The following ITGAV variants were observed in gnomAD, a reference collection of about 807,000 sequenced individuals.
The protein encoded by ITGAV is integrin alpha-V.
A neutral mutation model predicts 143.8 loss-of-function variants in ITGAV; 76 were observed. The ratio of observed to expected loss-of-function variants is 0.53; its 90% CI spans 0.44 to 0.64. The LOEUF (loss-of-function observed/expected upper bound fraction) is 0.64. ITGAV is among the 30% of genes least tolerant of loss of function. ITGAV has a pLI of 0.00. For synonymous variants in ITGAV, 453 were observed against 446.7 expected (o/e 1.01, Z -0.18); for missense variants, 1,193 against 1,274.7 (o/e 0.94, Z 0.98).
Position 186,675,609 on chromosome 2 carries a change from T to A in ITGAV, c.2712T>A (p.Cys904Ter). Residue 904 changes from cysteine (C) to a stop codon, truncating the protein, a stop_gained, in exon 27 of 30, where the codon TGT becomes TGA. Coordinates refer to ENST00000261023, the MANE Select transcript of ITGAV (RefSeq NM_002210.5). LOFTEE classifies it high-confidence loss of function. ...TAAAGGATTTGTTTTGGCAGGGTTGTGGAGTTGCTCAGTGCTTGAAGATTG... is the reference window on the plus strand; with the variant it reads ...TAAAGGATTTGTTTTGGCAGGGTTGAGGAGTTGCTCAGTGCTTGAAGATTG... ...LSEGDIHTLG[C>*]GVAQCLKIVC... 1.9e-6 allele frequency: 3 copies of A among 1,612,216 alleles called. No individual in the cohort carries two copies. Among genetic ancestry groups the A allele is most frequent in the Non-Finnish European group, 2.5e-6 (3 of 1,178,234 alleles).
At chr2:186,598,574 A>G (rs993790413) in intron 1 of ITGAV, among the ~76,000 whole-genome samples, 17 of 151,316 alleles carry the variant, frequency 1.1e-4, no homozygotes, top group Middle Eastern at 3.4e-3. Context: ...AGTAGCTGGG[A>G]TTACAGGCTC....
intron 10 of ITGAV, among the ~76,000 whole-genome samples, chr2:186,640,529 TTGTC>T (rs1251678582): frequency 6.6e-5 from 10 of 152,358 alleles, no homozygotes; most frequent in African/African-American, 2.2e-4. Flanking sequence ...ATCACAACAT[TTGTC>T]TGTGACTATA....
intron 2 of ITGAV, among the ~76,000 whole-genome samples, chr2:186,609,398 A>C (rs1687154400): frequency 6.6e-6 from 1 of 152,152 alleles, no homozygotes; most frequent in Non-Finnish European, 1.5e-5. Flanking sequence ...AGGTATCATA[A>C]CACAACTTTC....
chr2:186,652,142 G>A lies in ITGAV; in HGVS notation c.1505+53G>A, dbSNP rs1688452286. 4.5e-6 allele frequency: 5 copies of A among 1,122,126 alleles called. No homozygotes were observed. The East Asian group carries it at 1.2e-4, about 27-fold the overall frequency. The allele number at this position is 1,122,126 out of a possible 1,614,324, so 69.5% of individuals were successfully genotyped here. A position where few individuals can be genotyped will look rare whatever the true frequency, so the allele number is the denominator to read the frequency against. On this transcript the variant is annotated intron_variant, in intron 15 of 29. Coordinates refer to ENST00000261023, the MANE Select transcript of ITGAV (RefSeq NM_002210.5). ...TTATTGTGATTATTGTTCAGGCATT[G>A]TAAGAACAATTGAAAATGAAGGTGG...
rs377555897 is a variant in ITGAV at position 186,639,135 on chromosome 2, A to T, written c.903+670A>T. ...AAATAAGATATTTCTCAGCTAAAAA[A>T]ATGCTAGTACTTTTTAAGTATTAGA... On this transcript the variant is annotated intron_variant, in intron 10 of 29. Coordinates refer to ENST00000261023, the MANE Select transcript of ITGAV (RefSeq NM_002210.5). 3.0e-3 allele frequency among the ~76,000 whole-genome samples: 450 copies of T among 152,328 alleles called. 2 individuals are homozygous for T. The highest frequency in any genetic ancestry group is 0.01 in the African/African-American group (433 of 41,584).
intron 1 of ITGAV, among the ~76,000 whole-genome samples, chr2:186,592,618 A>G (rs1418820005): frequency 1.3e-5 from 2 of 151,666 alleles, no homozygotes; most frequent in Non-Finnish European, 2.9e-5. Context: ...TGAACTCTTC[A>G]TGATATTTGC....
At chr2:186,656,785 G>C (rs1688601831) in intron 17 of ITGAV, among the ~76,000 whole-genome samples, 1 of 152,162 alleles carries the variant, frequency 6.6e-6, no homozygotes, top group Non-Finnish European at 1.5e-5. Context: ...GCTGGCAAAG[G>C]ATGAAGCCTA....
intron 17 of ITGAV, among the ~76,000 whole-genome samples, chr2:186,657,065 ACCAGCTACAGAG>A (rs1688612058): frequency 6.6e-6 from 1 of 151,824 alleles, no homozygotes; most frequent in Admixed American, 6.6e-5. Flanking sequence ...ACCCACAAAG[ACCAGCTACAGAG>A]CACAAATTTG....
chr2:186,657,572 A>G (rs1431362384), intron 17 of ITGAV, among the ~76,000 whole-genome samples: 1 of 152,230 alleles, frequency 6.6e-6, no homozygotes, highest in Admixed American at 6.5e-5. Flanking sequence ...AGGCTATCAC[A>G]ACAGTAGAAT....
chr2:186,630,044 T>C (rs560009430), intron 4 of ITGAV, among the ~76,000 whole-genome samples: 1 of 152,224 alleles, frequency 6.6e-6, no homozygotes, highest in South Asian at 2.1e-4. Context: ...AAAGTATCAT[T>C]TAAAGATGGT....
intron 1 of ITGAV, among the ~76,000 whole-genome samples, chr2:186,590,954 T>A (rs1200995067): frequency 1.3e-5 from 2 of 151,794 alleles, no homozygotes; most frequent in Non-Finnish European, 2.9e-5. Flanking sequence ...TTAACGCCCG[T>A]CCTTTTCAGT....
In ITGAV at chr2:186,675,661, G is replaced by A. The variant is rs199560379; in HGVS notation, c.2764G>A (p.Gly922Arg). 6 of 1,614,082 alleles carry A rather than the reference G, an allele frequency of 3.7e-6. No individual in the cohort carries two copies. The highest frequency in any genetic ancestry group is 5.1e-6 in the Non-Finnish European group (6 of 1,179,962). Residue 922 changes from glycine (G) to arginine (R), a missense_variant, in exon 27 of 30, where the codon GGA becomes AGA. Physicochemically the swap from Gly to Arg is moderately radical, Grantham distance 125. Transcript: ENST00000261023. ...IVCQVGRLDR[G>R]KSAILYVKSL... Reference sequence around the variant, plus strand: ...CTGCCAAGTTGGGAGATTAGACAGAGGAAAGAGTGCAATCTTGTACGTAAA... The same window carrying A: ...CTGCCAAGTTGGGAGATTAGACAGAAGAAAGAGTGCAATCTTGTACGTAAA...
At chr2:186,599,422 A>C (rs374605757) in intron 1 of ITGAV, among the ~76,000 whole-genome samples, 1 of 152,212 alleles carries the variant, frequency 6.6e-6, no homozygotes, top group Non-Finnish European at 1.5e-5. Flanking sequence ...CTACAACTGG[A>C]TGACTCACAG....
chr2:186,612,017 G>A (rs1687230701), intron 2 of ITGAV, among the ~76,000 whole-genome samples: 1 of 152,190 alleles, frequency 6.6e-6, no homozygotes. Context: ...TTATACCGGT[G>A]AAGAAAGGAT....
At chr2:186,632,544 A>T (rs927489377) in intron 5 of ITGAV, among the ~76,000 whole-genome samples, 9 of 152,168 alleles carry the variant, frequency 5.9e-5, no homozygotes, top group African/African-American at 2.2e-4. Flanking sequence ...ATTGTGCTGA[A>T]ACACAATATA....
In ITGAV at chr2:186,664,551, T is replaced by C. The variant is rs199519178; in HGVS notation, c.1983T>C (p.Ala661=). The stretch of plus-strand genomic sequence containing the variant: ...ACCCTCTGACATTGATTGTTAAGGC[T>C]CAGAATCAAGGAGAAGGTGCCTACG... The part of the protein sequence containing the change: ...DDNPLTLIVK[A]QNQGEGAYEA... Residue 661 remains alanine (A), a synonymous_variant, in exon 20 of 30, where the codon GCT becomes GCC. Coordinates refer to ENST00000261023, the MANE Select transcript of ITGAV (RefSeq NM_002210.5). The C allele has an allele frequency of 6.2e-7, 1 of 1,614,044 alleles. No homozygotes were observed. The highest frequency in any genetic ancestry group is 8.5e-7 in the Non-Finnish European group (1 of 1,179,932).
At chr2:186,606,024 T>A (rs1031604621) in intron 2 of ITGAV, among the ~76,000 whole-genome samples, 5 of 152,100 alleles carry the variant, frequency 3.3e-5, no homozygotes, top group Admixed American at 3.3e-4. Flanking sequence ...TGGTGTTTAT[T>A]TGAATGTAAG....
chr2:186,647,275 G>C (rs1377968955), intron 13 of ITGAV, among the ~76,000 whole-genome samples: 2 of 143,002 alleles, frequency 1.4e-5, no homozygotes, highest in African/African-American at 5.2e-5. Context: ...TGTCTCTATT[G>C]CCCAGGCTGG....
intron 4 of ITGAV, among the ~76,000 whole-genome samples, chr2:186,627,768 C>CT (rs1396638561): frequency 6.6e-6 from 1 of 152,096 alleles, no homozygotes; most frequent in African/African-American, 2.4e-5. Context: ...TACTGTTCGG[C>CT]TTTTTACAGA....
Sources: allele counts gnomAD v4.1 joint callset (sites outside exome capture counted in the v4.1 genomes callset), GRCh38; gene constraint gnomAD v4.1.1; transcripts MANE v1.5; gene names NCBI Gene and HGNC (gene_info 2026-07-23, HGNC 2026-07-21).